TCTN1: variants seen among roughly 807,000 people sequenced by gnomAD.
The protein encoded by TCTN1 is tectonic family member 1.
In TCTN1, 58 loss-of-function variants were observed where a neutral mutation model predicts 65.8. The observed-to-expected ratio is 0.88, with a 90% CI of 0.71 to 1.10. The LOEUF (loss-of-function observed/expected upper bound fraction) is 1.10, where lower values mean the gene tolerates loss of function less well. Ranked by LOEUF, TCTN1 falls within the 50% of genes least tolerant of loss-of-function variation. TCTN1 has a pLI of 0.00. For missense variants in TCTN1, 645 were observed against 719.4 expected, an observed-to-expected ratio of 0.90 and a Z score of 1.18; for synonymous variants, 273 against 289.1, an observed-to-expected ratio of 0.94 and a Z score of 0.57.
At chr12:110,624,893 C>G (rs185412879) in intron 2 of TCTN1, among the ~76,000 whole-genome samples, 1 of 152,084 alleles carries the variant, frequency 6.6e-6, no homozygotes, top group Non-Finnish European at 1.5e-5. Context: ...TGTACCATAA[C>G]TTGTAAGCAC....
chr12:110,622,147 T>A (rs114743761), intron 2 of TCTN1, among the ~76,000 whole-genome samples: 6,758 of 149,202 alleles, frequency 0.045, 539 homozygotes, highest in African/African-American at 0.15. Context: ...AAAAAAATAA[T>A]AATAATAATA....
intron 14 of TCTN1, among the ~76,000 whole-genome samples, chr12:110,648,095 C>T (rs1249121580): frequency 6.6e-6 from 1 of 152,154 alleles, no homozygotes; most frequent in Non-Finnish European, 1.5e-5. Context: ...CCTCAGCCTC[C>T]TAATAGCTGG....
At chr12:110,634,907 C>G (rs974554463) in intron 6 of TCTN1, 128 bp downstream of exon 6, 4 of 668,662 alleles carry the variant, frequency 6.0e-6, no homozygotes, top group Non-Finnish European at 1.0e-5. Flanking sequence ...TTCTCCAGTA[C>G]TTTTATATCA....
chr12:110,622,140 A>AT (rs2065474485), intron 2 of TCTN1, among the ~76,000 whole-genome samples: 4 of 151,770 alleles, frequency 2.6e-5, no homozygotes, highest in Admixed American at 2.6e-4. Flanking sequence ...TCCATAAAAA[A>AT]AAATAATAAT....
intron 12 of TCTN1, 137 bp downstream of exon 12, chr12:110,645,266 A>G: frequency 8.6e-7 from 1 of 1,165,218 alleles, no homozygotes. Context: ...TTGGATACTG[A>G]TTTTTGCCCC....
intron 2 of TCTN1, among the ~76,000 whole-genome samples, chr12:110,621,575 C>A (rs1250391206): frequency 6.6e-6 from 1 of 151,840 alleles, no homozygotes; most frequent in Non-Finnish European, 1.5e-5. Context: ...TGGCTTCAAG[C>A]AATTTTCCTG....
At position 110,634,668 on chromosome 12, in the gene TCTN1, A is replaced by G. The variant is rs2066444872; in HGVS notation, c.713-2A>G. The G allele has an allele frequency of 1.9e-6, 3 of 1,600,096 alleles. No homozygotes were observed. Among genetic ancestry groups the G allele is most frequent in the Non-Finnish European group, 2.6e-6 (3 of 1,172,346 alleles). On this transcript the variant is annotated splice_acceptor_variant, in intron 5 of 14. Coordinates refer to ENST00000397659, the MANE Select transcript of TCTN1 (RefSeq NM_001082538.3). LOFTEE classifies it high-confidence loss of function. ...TTCCTTGGGAATGTTAATGATTTCT[A>G]GCGTTTCTGGTGAACCAGGCTGTTA...
Position 110,649,145 on chromosome 12 carries a change from T to G in TCTN1, c.*104T>G. On this transcript the variant is annotated 3_prime_UTR_variant, in exon 15 of 15. Coordinates refer to ENST00000397659, the MANE Select transcript of TCTN1 (RefSeq NM_001082538.3). ...ACAACTAGCAATTGTCCAGCTTTGT[T>G]GCTCATTTTCAATTAAGGCTAAAGT... is the stretch of plus-strand genomic sequence containing the variant. 1 of 676,814 alleles carries G rather than the reference T, an allele frequency of 1.5e-6. No individual in the cohort carries two copies. Among genetic ancestry groups the G allele is most frequent in the South Asian group, 1.6e-5 (1 of 63,936 alleles). The allele number at this position is 676,814 out of a possible 1,614,324, so 41.9% of individuals were successfully genotyped here. A position where few individuals can be genotyped will look rare whatever the true frequency, so the allele number is the denominator to read the frequency against.
chr12:110,636,172 C>T, intron 6 of TCTN1: 1 of 365,408 alleles, frequency 2.7e-6, no homozygotes, highest in Non-Finnish European at 5.2e-6. Context: ...TCCCACAGTG[C>T]TTATGGCCGT....
In TCTN1 at chr12:110,614,316, T is replaced by C; in HGVS notation, c.134T>C (p.Phe45Ser). 5 of 1,604,180 alleles carry C rather than the reference T, an allele frequency of 3.1e-6. No homozygotes were observed. The highest frequency in any genetic ancestry group is 4.3e-6 in the Non-Finnish European group (5 of 1,176,250). ...LNSTEAALATFGTFPSTRPPG... is the reference protein window; with the variant it reads ...LNSTEAALATSGTFPSTRPPG... ...TCCACCGAGGCAGCCCTGGCCACCT[T>C]CGGAACTTTCCCGTCGACCAGGCCC... Residue 45 changes from phenylalanine (F) to serine (S), a missense_variant, in exon 1 of 15, where the codon TTC becomes TCC. Phe to Ser is a radical substitution (Grantham distance 155). Transcript: ENST00000397659.
In TCTN1 at chr12:110,640,960, G is replaced by A; in HGVS notation, c.979-64G>A. 2.5e-6 allele frequency: 4 copies of A among 1,610,270 alleles called. No individual in the cohort carries two copies. Among genetic ancestry groups the A allele is most frequent in the Non-Finnish European group, 2.5e-6 (3 of 1,177,236 alleles). Reference sequence around the variant, plus strand: ...GATTTGCTATCTATGGGTGTTTTCAGTTATTCATACAGCTTCTGAAATGTA... The same window carrying A: ...GATTTGCTATCTATGGGTGTTTTCAATTATTCATACAGCTTCTGAAATGTA... On this transcript the variant is annotated intron_variant, in intron 8 of 14. Coordinates refer to ENST00000397659, the MANE Select transcript of TCTN1 (RefSeq NM_001082538.3). The surrounding 1 kb of genome is among the most constrained non-coding windows in gnomAD (Gnocchi z 4.9).
chr12:110,649,360 G>T lies in TCTN1; in HGVS notation c.*319G>T. On this transcript the variant is annotated 3_prime_UTR_variant, in exon 15 of 15. Coordinates refer to ENST00000397659, the MANE Select transcript of TCTN1 (RefSeq NM_001082538.3). ...AGGGGCAGCTGTTCCTCTCGTGACAGCACAGGCCCATGAGACAGTGTCTTC... is the reference window on the plus strand; with the variant it reads ...AGGGGCAGCTGTTCCTCTCGTGACATCACAGGCCCATGAGACAGTGTCTTC... The T allele has an allele frequency of 6.8e-7, 1 of 1,474,392 alleles. No individual in the cohort carries two copies. The highest frequency in any genetic ancestry group is 9.4e-7 in the Non-Finnish European group (1 of 1,059,736). The allele number at this position is 1,474,392 out of a possible 1,614,324, so 91.3% of individuals were successfully genotyped here.
rs1459288662 is a variant in TCTN1, at chr12:110,648,030, G to C, written c.*1+137G>C. 10 of 1,340,606 alleles carry C rather than the reference G, an allele frequency of 7.5e-6. No homozygotes were observed. The East Asian group carries it at 2.1e-4, about 29-fold the overall frequency. 83.0% of individuals were successfully genotyped at this position (1,340,606 alleles called of 1,614,324 possible). A position where few individuals can be genotyped will look rare whatever the true frequency, so the allele number is the denominator to read the frequency against. ...TTTGTTGCCCAGGCTGGAGTGCAGTGGTGTGATCATGGCTCACTGCAGCCT... is the reference window on the plus strand; with the variant it reads ...TTTGTTGCCCAGGCTGGAGTGCAGTCGTGTGATCATGGCTCACTGCAGCCT... On this transcript the variant is annotated intron_variant, in intron 14 of 14. Transcript: ENST00000397659.
chr12:110,618,586 G>T (rs1448763866), intron 1 of TCTN1, among the ~76,000 whole-genome samples: 5 of 151,908 alleles, frequency 3.3e-5, no homozygotes, highest in Non-Finnish European at 7.4e-5. Flanking sequence ...TGTTGGCCAG[G>T]GCAGTCTCAA....
Position 110,645,026 on chromosome 12 carries a change from G to C in TCTN1, c.1391G>C (p.Gly464Ala), listed in dbSNP as rs1314364318. ...VAQKVKSLLW[G>A]QGFPDYVAPF... The stretch of plus-strand genomic sequence containing the variant: ...CAGAAGGTGAAGAGCCTGCTGTGGG[G>C]CCAGGGCTTCCCAGATTACGTGGCC... Residue 464 changes from glycine (G) to alanine (A), a missense_variant, in exon 12 of 15, where the codon GGC becomes GCC. Physicochemically the swap from Gly to Ala is moderately conservative, Grantham distance 60. Coordinates refer to ENST00000397659, the MANE Select transcript of TCTN1 (RefSeq NM_001082538.3). 1.2e-6 allele frequency: 2 copies of C among 1,614,100 alleles called. No homozygotes were observed. The highest frequency in any genetic ancestry group is 1.7e-6 in the Non-Finnish European group (2 of 1,180,038).
At position 110,644,727 on chromosome 12, in the gene TCTN1, T is replaced by C; in HGVS notation, c.1332-240T>C. 2 of 563,372 alleles carry C rather than the reference T, an allele frequency of 3.6e-6. No individual in the cohort carries two copies. The highest frequency in any genetic ancestry group is 3.2e-5 in the East Asian group (1 of 31,724). The allele number at this position is 563,372 out of a possible 1,614,324, so 34.9% of individuals were successfully genotyped here. On this transcript the variant is annotated intron_variant, in intron 11 of 14. Coordinates refer to ENST00000397659, the MANE Select transcript of TCTN1 (RefSeq NM_001082538.3). This position sits in a 1 kb window ranked among gnomAD's most constrained non-coding sequence, Gnocchi z 4.6. Reference sequence around the variant, plus strand: ...CAAAACTTAAAAAACAAAAAACTGCTGGTGGGCTGGGTGTGGTGGCTCACT... The same window carrying C: ...CAAAACTTAAAAAACAAAAAACTGCCGGTGGGCTGGGTGTGGTGGCTCACT...
chr12:110,618,695 G>A (rs1221492870), intron 1 of TCTN1, among the ~76,000 whole-genome samples: 1 of 152,028 alleles, frequency 6.6e-6, no homozygotes, highest in South Asian at 2.1e-4. Flanking sequence ...AAAAGAAAAC[G>A]TTACAGATAA....
intron 2 of TCTN1, among the ~76,000 whole-genome samples, chr12:110,622,035 G>T (rs1053350884): frequency 1.3e-5 from 2 of 151,898 alleles, no homozygotes; most frequent in African/African-American, 4.8e-5. Context: ...CTACTCAGGG[G>T]GCTGAGGTGG....
rs1237623270 is a variant in TCTN1 at position 110,644,747 on chromosome 12, C to T, written c.1332-220C>T. On this transcript the variant is annotated intron_variant, in intron 11 of 14. Coordinates refer to ENST00000397659, the MANE Select transcript of TCTN1 (RefSeq NM_001082538.3). This position sits in a 1 kb window ranked among gnomAD's most constrained non-coding sequence, Gnocchi z 4.6. Reference sequence around the variant, plus strand: ...ACTGCTGGTGGGCTGGGTGTGGTGGCTCACTCCTGTAGTCCCAGCACTCTG... The same window carrying T: ...ACTGCTGGTGGGCTGGGTGTGGTGGTTCACTCCTGTAGTCCCAGCACTCTG... The T allele has an allele frequency of 3.3e-6, 2 of 598,972 alleles. No individual in the cohort carries two copies. Among genetic ancestry groups the T allele is most frequent in the Non-Finnish European group, 5.9e-6 (2 of 340,494 alleles). 37.1% of individuals were successfully genotyped at this position (598,972 alleles called of 1,614,324 possible). A position where few individuals can be genotyped will look rare whatever the true frequency, so the allele number is the denominator to read the frequency against.
Sources: allele counts gnomAD v4.1 joint callset (sites outside exome capture counted in the v4.1 genomes callset), GRCh38; gene constraint gnomAD v4.1.1; non-coding constraint Gnocchi (gnomAD v3.1); transcripts MANE v1.5; gene names NCBI Gene and HGNC (gene_info 2026-07-23, HGNC 2026-07-21).